ARHGEF12: variants seen among roughly 807,000 people sequenced by gnomAD.
The protein encoded by ARHGEF12 is Rho guanine nucleotide exchange factor 12.
Under a neutral mutation model 211.2 loss-of-function variants are expected in ARHGEF12, and 66 were observed. The ratio of observed to expected loss-of-function variants is 0.31; its 90% CI spans 0.26 to 0.38. The LOEUF is 0.38. Ranked by LOEUF, ARHGEF12 falls within the 10% of genes least tolerant of loss-of-function variation. The pLI, the probability that ARHGEF12 is intolerant of heterozygous loss-of-function variation, is 1.00. For synonymous variants in ARHGEF12, 592 were observed against 638.4 expected (o/e 0.93, Z 1.09); for missense variants, 1,429 against 1,869.5 (o/e 0.76, Z 4.34).
chr11:120,485,236 C>A lies in ARHGEF12; in HGVS notation c.*159C>A. On this transcript the variant is annotated 3_prime_UTR_variant, in exon 41 of 41. Coordinates refer to ENST00000397843, the MANE Select transcript of ARHGEF12 (RefSeq NM_015313.3). ...AAGTCCCAAGGTGCCCAGAGTGGGA[C>A]TAGTTCTTCACAGTGTGGCAGCTGC... is the stretch of plus-strand genomic sequence containing the variant. The A allele has an allele frequency of 1.3e-6, 1 of 776,794 alleles. No individual in the cohort carries two copies. Among genetic ancestry groups the A allele is most frequent in the Non-Finnish European group, 2.1e-6 (1 of 469,902 alleles). The allele number at this position is 776,794 out of a possible 1,614,324, so 48.1% of individuals were successfully genotyped here.
rs11217849 is a variant in ARHGEF12, at chr11:120,383,058, G to C, written c.33-23060G>C. ...GGAGGCTGAGGCAGGGGAATGGCGCGAACCCAGGAGGCGGAGCTTGCAGTG... is the reference window on the plus strand; with the variant it reads ...GGAGGCTGAGGCAGGGGAATGGCGCCAACCCAGGAGGCGGAGCTTGCAGTG... On this transcript the variant is annotated intron_variant, in intron 1 of 40. Coordinates refer to ENST00000397843, the MANE Select transcript of ARHGEF12 (RefSeq NM_015313.3). Among the ~76,000 whole-genome samples the C allele has an allele frequency of 2.2e-3, 338 of 152,268 alleles. 7 individuals are homozygous for C. The East Asian group carries it at 0.041, about 19-fold the overall frequency.
At chr11:120,370,841 T>C (rs1318361201) in intron 1 of ARHGEF12, among the ~76,000 whole-genome samples, 1 of 152,084 alleles carries the variant, frequency 6.6e-6, no homozygotes, top group Non-Finnish European at 1.5e-5. Flanking sequence ...ATTTTTTTTT[T>C]CTCTCTCCTT....
intron 4 of ARHGEF12, among the ~76,000 whole-genome samples, chr11:120,416,989 C>T (rs926415830): frequency 1.3e-5 from 2 of 152,142 alleles, no homozygotes; most frequent in African/African-American, 4.8e-5. Context: ...AAAGTACTTA[C>T]AATTGTACTA....
At chr11:120,435,309 A>T (rs1364704831) in intron 11 of ARHGEF12, among the ~76,000 whole-genome samples, 1 of 151,860 alleles carries the variant, frequency 6.6e-6, no homozygotes, top group Non-Finnish European at 1.5e-5. Context: ...CTTTATCTAA[A>T]TTTTCTTAAA....
intron 1 of ARHGEF12, among the ~76,000 whole-genome samples, chr11:120,368,880 CCTT>C (rs751839309): frequency 9.9e-5 from 15 of 152,068 alleles, no homozygotes; most frequent in Non-Finnish European, 1.9e-4. Context: ...CCCCCTCCCT[CCTT>C]TCACCCTCCA....
chr11:120,416,737 G>A (rs1207783834), intron 4 of ARHGEF12, among the ~76,000 whole-genome samples: 4 of 151,922 alleles, frequency 2.6e-5, no homozygotes, highest in Admixed American at 6.5e-5. Flanking sequence ...TGCATCCTCT[G>A]CCTCCTGGGT....
At chr11:120,406,823 G>A (rs1388375146) in intron 2 of ARHGEF12, among the ~76,000 whole-genome samples, 1 of 152,182 alleles carries the variant, frequency 6.6e-6, no homozygotes, top group Admixed American at 6.5e-5. Context: ...CTCCGAAAGT[G>A]CTGGGATTAC....
chr11:120,388,411 A>G (rs116588611), intron 1 of ARHGEF12, among the ~76,000 whole-genome samples: 1 of 152,278 alleles, frequency 6.6e-6, no homozygotes, highest in African/African-American at 2.4e-5. Flanking sequence ...GACTATTAGG[A>G]ATAAGTTTGC....
chr11:120,477,272 A>G lies in ARHGEF12; in HGVS notation c.3419A>G (p.Lys1140Arg), dbSNP rs759952820. 6.2e-7 allele frequency: 1 copy of G among 1,614,026 alleles called. No homozygotes were observed. Among genetic ancestry groups the G allele is most frequent in the African/African-American group, 1.3e-5 (1 of 74,934 alleles). ...MAASVKEQST[K>R]PIPLPQSTPG... ...GCATCAGTGAAGGAGCAATCCACAA[A>G]GCCAATTCCATTACCACAGTCAACA... Residue 1140 changes from lysine to arginine, a missense_variant, in exon 35 of 41, where the codon AAG becomes AGG. Physicochemically the swap from Lys to Arg is conservative, Grantham distance 26 (BLOSUM62 2). Coordinates refer to ENST00000397843, the MANE Select transcript of ARHGEF12 (RefSeq NM_015313.3).
chr11:120,458,799 C>A, intron 25 of ARHGEF12: 1 of 159,418 alleles, frequency 6.3e-6, no homozygotes, highest in South Asian at 1.9e-4. Flanking sequence ...TGTTTATAGG[C>A]AAATTAGATA....
chr11:120,457,119 A>G lies in ARHGEF12; in HGVS notation c.2058A>G (p.Gly686=). The G allele has an allele frequency of 6.2e-7, 1 of 1,613,738 alleles. No individual in the cohort carries two copies. Among genetic ancestry groups the G allele is most frequent in the Non-Finnish European group, 8.5e-7 (1 of 1,179,860 alleles). The part of the protein sequence containing the change: ...SQEGGKENDT[G]SKQVGETSAP... ...CAAATGTCTGACTTTTGTCTACAGG[A>G]TCAAAGCAAGTTGGAGAAACATCAG... Residue 686 remains glycine (G), a splice_region_variant and synonymous_variant, in exon 23 of 41, where the codon GGA becomes GGG. Transcript: ENST00000397843.
Position 120,488,504 on chromosome 11 carries a change from T to C in ARHGEF12, c.*3427T>C, listed in dbSNP as rs1591657331. 1 of 217,064 alleles carries C rather than the reference T, an allele frequency of 4.6e-6. No homozygotes were observed. Among genetic ancestry groups the C allele is most frequent in the Non-Finnish European group, 9.3e-6 (1 of 108,024 alleles). The allele number at this position is 217,064 out of a possible 1,614,324, so 13.4% of individuals were successfully genotyped here. ...TCAGAGTCATCTACAAAATTTTTCT[T>C]TCCTCAAGAAAAGAGTTCCTTTTGC... On this transcript the variant is annotated 3_prime_UTR_variant, in exon 41 of 41. Transcript: ENST00000397843.
rs1474365340 is a variant in ARHGEF12 at position 120,465,297 on chromosome 11, C to G, written c.2674C>G (p.Pro892Ala). 3.1e-6 allele frequency: 5 copies of G among 1,614,142 alleles called. No homozygotes were observed. Among genetic ancestry groups the G allele is most frequent in the Middle Eastern group, 3.3e-4 (2 of 6,062 alleles). Reference protein sequence around the residue: ...HAAATFCSNQPFALEMIKSRQ... With the variant: ...HAAATFCSNQAFALEMIKSRQ... Reference sequence around the variant, plus strand: ...TGCTGCTACCTTTTGCAGTAACCAACCTTTCGCCCTGGAAATGATCAAATC... The same window carrying G: ...TGCTGCTACCTTTTGCAGTAACCAAGCTTTCGCCCTGGAAATGATCAAATC... The change falls in exon 28 of 41, where the codon CCT becomes GCT. Residue 892 changes from proline to alanine, a missense_variant. Transcript: ENST00000397843.
intron 1 of ARHGEF12, among the ~76,000 whole-genome samples, chr11:120,360,378 A>G (rs933130422): frequency 3.3e-5 from 5 of 151,966 alleles, no homozygotes; most frequent in South Asian, 2.1e-4. Flanking sequence ...TTTTTCTTTA[A>G]TATTACTCTT....
intron 28 of ARHGEF12, among the ~76,000 whole-genome samples, chr11:120,465,952 A>C (rs1173267864): frequency 2.0e-5 from 3 of 152,270 alleles, no homozygotes; most frequent in Admixed American, 6.5e-5. Flanking sequence ...TTGTCAAAGC[A>C]TGAGAATGGG....
chr11:120,439,918 T>A, intron 12 of ARHGEF12: 1 of 478,792 alleles, frequency 2.1e-6, no homozygotes, highest in Non-Finnish European at 3.7e-6. Context: ...CAAAAAAAAC[T>A]CGTTGTTGTG....
intron 1 of ARHGEF12, among the ~76,000 whole-genome samples, chr11:120,357,723 C>T (rs573510727): frequency 2.0e-5 from 3 of 152,162 alleles, no homozygotes; most frequent in Non-Finnish European, 4.4e-5. Flanking sequence ...GCACGTGCCA[C>T]CGCAGCTGGC....
At chr11:120,430,218 T>C (rs1945484410) in intron 10 of ARHGEF12, among the ~76,000 whole-genome samples, 1 of 152,138 alleles carries the variant, frequency 6.6e-6, no homozygotes, top group Non-Finnish European at 1.5e-5. Flanking sequence ...ACAACAGGCA[T>C]TGAGCTAAAT....
In ARHGEF12 at chr11:120,480,442, TCA is replaced by T; in HGVS notation, c.4237+16_4237+17del. 1 of 1,593,038 alleles carries T rather than the reference TCA, an allele frequency of 6.3e-7. No homozygotes were observed. The highest frequency in any genetic ancestry group is 1.3e-5 in the African/African-American group (1 of 74,318). ...TTTACGCATCTCAGGCAAGTATCTTTCACACTTAAACTTTGATTTTGATTTTG... is the reference window on the plus strand; with the variant it reads ...TTTACGCATCTCAGGCAAGTATCTTTCACTTAAACTTTGATTTTGATTTTG... On this transcript the variant is annotated intron_variant, in intron 38 of 40. Transcript: ENST00000397843.
Sources: gnomAD v4.1 joint callset for allele counts (sites outside exome capture counted in the v4.1 genomes callset) on GRCh38, gnomAD v4.1.1 for gene constraint, MANE v1.5 for transcripts, NCBI Gene and HGNC (gene_info 2026-07-23, HGNC 2026-07-21) for gene names.